SCN11A: variants seen among roughly 807,000 people sequenced by gnomAD.
SCN11A encodes the protein sodium voltage-gated channel alpha subunit 11.
Under a neutral mutation model 162.2 loss-of-function variants are expected in SCN11A, and 122 were observed. The observed-to-expected ratio is 0.75, with a 90% CI of 0.65 to 0.87. The LOEUF (loss-of-function observed/expected upper bound fraction) is 0.87. SCN11A is among the 40% of genes least tolerant of loss of function. SCN11A has a pLI of 0.00. For synonymous variants in SCN11A, 758 were observed against 751.5 expected (o/e 1.01, Z -0.14); for missense variants, 2,015 against 2,181.6 (o/e 0.92, Z 1.52).
intron 1 of SCN11A, among the ~76,000 whole-genome samples, chr3:39,035,703 A>C (rs1044473102): frequency 5.3e-5 from 8 of 152,012 alleles, no homozygotes; most frequent in Non-Finnish European, 1.2e-4. Context: ...GCAGTGGCAC[A>C]ATCTCAGCTC....
intron 23 of SCN11A, among the ~76,000 whole-genome samples, chr3:38,879,463 T>C (rs754290875): frequency 1.1e-4 from 16 of 152,206 alleles, no homozygotes; most frequent in Non-Finnish European, 1.9e-4. Flanking sequence ...GGAGGTGTCA[T>C]ACAATGCTGC....
At chr3:38,927,908 A>G (rs1282275220) in intron 7 of SCN11A, among the ~76,000 whole-genome samples, 2 of 152,164 alleles carry the variant, frequency 1.3e-5, no homozygotes, top group East Asian at 3.9e-4. Flanking sequence ...ACACAGACAA[A>G]CCATATCAAG....
intron 27 of SCN11A, among the ~76,000 whole-genome samples, chr3:38,864,376 A>G (rs1289871745): frequency 6.6e-6 from 1 of 152,124 alleles, no homozygotes; most frequent in African/African-American, 2.4e-5. Context: ...TCTTTTAGTA[A>G]TCATATATGT....
rs1553644472 is a variant in SCN11A at position 38,950,078 on chromosome 3, C to CCCCCCCG, written c.267+17_267+18insCGGGGGG. 2.6e-4 allele frequency: 36 copies of CCCCCCCG among 140,622 alleles called. No homozygotes were observed. The highest frequency in any genetic ancestry group is 5.0e-4 in the Admixed American group (7 of 13,992). 8.7% of individuals were successfully genotyped at this position (140,622 alleles called of 1,614,324 possible). On this transcript the variant is annotated intron_variant, in intron 5 of 29. Coordinates refer to ENST00000302328, the MANE Select transcript of SCN11A (RefSeq NM_001349253.2). ...GAACACCCCCACCCCCACCCCCCCC[C>CCCCCCCG]CCCGCCCAATGAAGTACCTTATGAT... is the stretch of plus-strand genomic sequence containing the variant.
chr3:38,925,651 C>T, intron 8 of SCN11A, 142 bp from the exon 9 acceptor site: 1 of 623,340 alleles, frequency 1.6e-6, no homozygotes, highest in South Asian at 2.1e-5. Flanking sequence ...TCCAGCCCCA[C>T]CTTTATCTTA....
intron 2 of SCN11A, among the ~76,000 whole-genome samples, chr3:38,966,858 T>C (rs1184769982): frequency 6.6e-6 from 1 of 152,238 alleles, no homozygotes; most frequent in East Asian, 1.9e-4. Flanking sequence ...ACTTTCATGT[T>C]TCAAAATTAT....
chr3:38,986,201 A>G (rs1380840565), intron 2 of SCN11A, among the ~76,000 whole-genome samples: 1 of 150,912 alleles, frequency 6.6e-6, no homozygotes, highest in African/African-American at 2.5e-5. Flanking sequence ...GAATCACTAG[A>G]GGCCATTTCA....
intron 1 of SCN11A, among the ~76,000 whole-genome samples, chr3:39,043,035 C>T (rs547174884): frequency 2.7e-5 from 4 of 148,568 alleles, no homozygotes; most frequent in Non-Finnish European, 3.0e-5. Context: ...CAAAACAAGA[C>T]GTACAAATGG....
intron 9 of SCN11A, among the ~76,000 whole-genome samples, chr3:38,922,677 A>AAGG (rs201233819): frequency 1.8e-4 from 28 of 151,818 alleles, no homozygotes; most frequent in Admixed American, 4.6e-4. Context: ...GAAGAAGGAG[A>AAGG]AGGAGGAGGA....
At chr3:38,885,561 CT>C (rs2065384278) in intron 20 of SCN11A, among the ~76,000 whole-genome samples, 159 bp from the exon 21 acceptor site, 1 of 152,136 alleles carries the variant, frequency 6.6e-6, no homozygotes, top group Non-Finnish European at 1.5e-5. Context: ...CTGCTGGGTC[CT>C]TTTCTAAGTG....
intron 16 of SCN11A, 31 bp from the exon 17 acceptor site, chr3:38,900,104 G>C: frequency 3.8e-6 from 6 of 1,575,342 alleles, no homozygotes; most frequent in East Asian, 2.2e-5. Flanking sequence ...ATGAGAGAAG[G>C]AAGCTGCGGA....
In SCN11A at chr3:39,051,923, T is replaced by G; in HGVS notation, c.-466A>C. On this transcript the variant is annotated 5_prime_UTR_variant, in exon 1 of 30. Coordinates refer to ENST00000302328, the MANE Select transcript of SCN11A (RefSeq NM_001349253.2). ...CACCGAGGAAACACAACAGCCTGTT[T>G]ACCTTCAGCCCCGCCACTAACCCTT... 1 of 1,438,704 alleles carries G rather than the reference T, an allele frequency of 7.0e-7. No homozygotes were observed. Among genetic ancestry groups the G allele is most frequent in the East Asian group, 2.3e-5 (1 of 42,980 alleles). The allele number at this position is 1,438,704 out of a possible 1,614,324, so 89.1% of individuals were successfully genotyped here.
At chr3:38,932,996 C>A (rs1481189091) in intron 7 of SCN11A, among the ~76,000 whole-genome samples, 1 of 152,256 alleles carries the variant, frequency 6.6e-6, no homozygotes, top group Non-Finnish European at 1.5e-5. Flanking sequence ...ACTGACACCT[C>A]ACACGGCCGG....
chr3:38,926,768 C>T, intron 8 of SCN11A, 35 bp downstream of exon 8: 2 of 1,606,510 alleles, frequency 1.2e-6, no homozygotes, highest in Non-Finnish European at 1.7e-6. Context: ...CTTTCCCACT[C>T]CAAGTCTCTT....
intron 27 of SCN11A, among the ~76,000 whole-genome samples, chr3:38,865,946 C>T (rs2065033337): frequency 6.6e-6 from 1 of 152,160 alleles, no homozygotes; most frequent in South Asian, 2.1e-4. Flanking sequence ...CATGCATTTT[C>T]ATATTCTGCA....
At chr3:38,966,879 G>C (rs557361892) in intron 2 of SCN11A, among the ~76,000 whole-genome samples, 16 of 152,300 alleles carry the variant, frequency 1.1e-4, no homozygotes, top group African/African-American at 3.6e-4. Context: ...TTTAGACATT[G>C]CCTTTGTGTT....
At chr3:38,950,421 A>T (rs767287020) in intron 4 of SCN11A, 52 bp from the exon 5 acceptor site, 11 of 1,562,990 alleles carry the variant, frequency 7.0e-6, no homozygotes, top group Non-Finnish European at 9.7e-6. Context: ...GGAGGCGGGA[A>T]TAAAACAGCC....
chr3:38,926,149 T>C (rs1371665989), intron 8 of SCN11A, among the ~76,000 whole-genome samples: 1 of 152,258 alleles, frequency 6.6e-6, no homozygotes, highest in Non-Finnish European at 1.5e-5. Context: ...TTTCTTTTGC[T>C]GACTCCATTT....
At chr3:38,951,293 G>A (rs563342239) in intron 4 of SCN11A, among the ~76,000 whole-genome samples, 4 of 152,344 alleles carry the variant, frequency 2.6e-5, no homozygotes, top group Admixed American at 6.5e-5. Flanking sequence ...CTTGGCACCC[G>A]GGCCAGTGGC....
Sources: allele counts gnomAD v4.1 joint callset (sites outside exome capture counted in the v4.1 genomes callset), GRCh38; gene constraint gnomAD v4.1.1; transcripts MANE v1.5; gene names NCBI Gene and HGNC (gene_info 2026-07-23, HGNC 2026-07-21).